Variants in C11orf42 observed in about 807,000 individuals in gnomAD.
The protein encoded by C11orf42 is uncharacterized protein C11orf42.
A neutral mutation model predicts 27.9 loss-of-function variants in C11orf42; 24 were observed. The ratio of observed to expected loss-of-function variants is 0.86; its 90% CI spans 0.62 to 1.21. The LOEUF (loss-of-function observed/expected upper bound fraction) is 1.21. C11orf42 is among the 50% of genes most tolerant of loss of function. C11orf42 has a pLI of 0.00. For synonymous variants in C11orf42, 187 were observed against 180.8 expected (o/e 1.03, Z -0.28); for missense variants, 455 against 424.1 (o/e 1.07, Z -0.64).
rs745311052 is a variant in C11orf42, at chr11:6,210,206, G to A, written c.429G>A (p.Gln143=). The change falls in exon 2 of 3, where the codon CAG becomes CAA. Residue 143 remains glutamine, a synonymous_variant. Transcript: ENST00000316375. This position sits in a 1 kb window ranked among gnomAD's most constrained non-coding sequence, Gnocchi z 4.0. ...KVAFLLLPPG[Q]VSLQQTLPWL... is the part of the protein sequence containing the mutation. ...CCTTCCTGTTGCTGCCACCAGGGCA[G>A]GTGAGCCTACAGCAGACTCTTCCCT... 3.1e-6 allele frequency: 5 copies of A among 1,614,240 alleles called. No homozygotes were observed. The South Asian group carries it at 5.5e-5, about 18-fold the overall frequency.
In C11orf42 at chr11:6,210,268, AGG is replaced by A. The variant is rs777844833; in HGVS notation, c.492_493del (p.Gln164HisfsTer17). 19 of 1,614,112 alleles carry A rather than the reference AGG, an allele frequency of 1.2e-5. No homozygotes were observed. On this transcript the variant is annotated frameshift_variant, in exon 2 of 3. Coordinates refer to ENST00000316375, the MANE Select transcript of C11orf42 (RefSeq NM_173525.3). LOFTEE classifies it high-confidence loss of function. The surrounding 1 kb of genome is among the most constrained non-coding windows in gnomAD (Gnocchi z 4.0). Reference sequence around the variant, plus strand: ...ACCCACAGCATCTATGTCATCTACCAGGTCTTCTCTTGTTCCTGGCTGCAGCT... The same window carrying A: ...ACCCACAGCATCTATGTCATCTACCATCTTCTCTTGTTCCTGGCTGCAGCT...
At position 6,209,869 on chromosome 11, in the gene C11orf42, G is replaced by A. The variant is rs769905265; in HGVS notation, c.92G>A (p.Gly31Glu). 6.3e-7 allele frequency: 1 copy of A among 1,589,690 alleles called. No homozygotes were observed. Among genetic ancestry groups the A allele is most frequent in the Non-Finnish European group, 8.6e-7 (1 of 1,160,754 alleles). Residue 31 changes from glycine (G) to glutamate (E), a missense_variant, in exon 2 of 3, where the codon GGG becomes GAG. Coordinates refer to ENST00000316375, the MANE Select transcript of C11orf42 (RefSeq NM_173525.3). The stretch of plus-strand genomic sequence containing the variant: ...CTGCAGGTCATCGAGGAGCACTTTG[G>A]GCCCAATGCAGTAGCAGTACCTTTC... Reference protein sequence around the residue: ...IKDKVIEEHFGPNAVAVPFLS... With the variant: ...IKDKVIEEHFEPNAVAVPFLS...
intron 1 of C11orf42, among the ~76,000 whole-genome samples, chr11:6,207,378 C>T (rs1846990805): frequency 6.6e-6 from 1 of 152,088 alleles, no homozygotes; most frequent in South Asian, 2.1e-4. Flanking sequence ...TTAGCAGAAA[C>T]TTGGATAATA....
intron 1 of C11orf42, among the ~76,000 whole-genome samples, chr11:6,205,908 G>A (rs1289866457): frequency 3.3e-5 from 5 of 152,124 alleles, no homozygotes; most frequent in East Asian, 1.9e-4. Context: ...GAAAAGCAAC[G>A]TATAGGGAAT....
At chr11:6,208,525 C>T (rs755627480) in intron 1 of C11orf42, among the ~76,000 whole-genome samples, 22 of 152,174 alleles carry the variant, frequency 1.4e-4, no homozygotes, top group Admixed American at 1.2e-3. Flanking sequence ...TTCCCAGGTT[C>T]AAGCAATTCT....
intron 1 of C11orf42, among the ~76,000 whole-genome samples, chr11:6,208,129 A>T (rs1183915166): frequency 5.9e-5 from 9 of 152,136 alleles, no homozygotes; most frequent in Admixed American, 3.3e-4. Flanking sequence ...AGGTTTCCCA[A>T]TTAGTCATGA....
At chr11:6,205,709 A>AATT in intron 1 of C11orf42, 22 bp downstream of exon 1, 7 of 1,603,816 alleles carry the variant, frequency 4.4e-6, no homozygotes, top group Non-Finnish European at 6.0e-6. Flanking sequence ...AAGGAGGCTA[A>AATT]AGAGGAAGCA....
chr11:6,207,579 T>G (rs1846993081), intron 1 of C11orf42, among the ~76,000 whole-genome samples: 1 of 152,148 alleles, frequency 6.6e-6, no homozygotes, highest in African/African-American at 2.4e-5. Context: ...AACCCACCAG[T>G]GTTCTGCTCT....
At position 6,210,709 on chromosome 11, in the gene C11orf42, G is replaced by T. The variant is rs937914236; in HGVS notation, c.871+61G>T. The T allele has an allele frequency of 3.0e-5, 47 of 1,551,224 alleles. No individual in the cohort carries two copies. The Admixed American group carries it at 7.8e-4, about 26-fold the overall frequency. On this transcript the variant is annotated intron_variant, in intron 2 of 2. Coordinates refer to ENST00000316375, the MANE Select transcript of C11orf42 (RefSeq NM_173525.3). The surrounding 1 kb of genome is among the most constrained non-coding windows in gnomAD (Gnocchi z 4.0). ...AGGGACAAAGTGAAGGAGGGAGAAG[G>T]CATGAGAATTAAGTATGTGAGGAAT...
At chr11:6,205,753 G>GTA (rs1590592097) in intron 1 of C11orf42, 66 bp downstream of exon 1, 1 of 1,327,420 alleles carries the variant, frequency 7.5e-7, no homozygotes, top group East Asian at 2.4e-5. Flanking sequence ...TCAGCAGCTT[G>GTA]TGAGTAGGAA....
chr11:6,206,129 T>G (rs942227334), intron 1 of C11orf42, among the ~76,000 whole-genome samples: 3 of 152,048 alleles, frequency 2.0e-5, no homozygotes, highest in Non-Finnish European at 4.4e-5. Flanking sequence ...AAATGTAGAG[T>G]ATTTGTAAAA....
intron 1 of C11orf42, 35 bp downstream of exon 1, chr11:6,205,722 G>A (rs1293583078): frequency 8.9e-6 from 14 of 1,574,242 alleles, no homozygotes; most frequent in East Asian, 4.5e-5. Context: ...AGGAAGCAAC[G>A]AAGTGTGACC....
rs1847057760 is a variant in C11orf42, at chr11:6,210,998, C to A, written c.958C>A (p.Pro320Thr). The change falls in exon 3 of 3, where the codon CCC becomes ACC. Residue 320 changes from proline to threonine, a missense_variant. Coordinates refer to ENST00000316375, the MANE Select transcript of C11orf42 (RefSeq NM_173525.3). This position sits in a 1 kb window ranked among gnomAD's most constrained non-coding sequence, Gnocchi z 4.0. ...RDPDGHSMSL[P>T]LLQGLSSEFD... ...CCCCGACGGGCACTCCATGTCCCTG[C>A]CCCTGCTGCAGGGTCTATCCTCAGA... 2 of 1,609,074 alleles carry A rather than the reference C, an allele frequency of 1.2e-6. No homozygotes were observed. The highest frequency in any genetic ancestry group is 4.5e-5 in the East Asian group (2 of 44,796).
Position 6,205,628 on chromosome 11 carries a change from A to ACCC in C11orf42, c.16_18dup (p.Pro6dup). ...CCCATACCCCACCATGTTGGTGGGT[A>ACCC]CCCCCAACCTGCTGACACTGGATGA... On this transcript the variant is annotated inframe_insertion, in exon 1 of 3. Coordinates refer to ENST00000316375, the MANE Select transcript of C11orf42 (RefSeq NM_173525.3). 6.2e-7 allele frequency: 1 copy of ACCC among 1,613,596 alleles called. No homozygotes were observed. The highest frequency in any genetic ancestry group is 8.5e-7 in the Non-Finnish European group (1 of 1,179,726).
At position 6,210,211 on chromosome 11, in the gene C11orf42, G is replaced by T. The variant is rs760302015; in HGVS notation, c.434G>T (p.Ser145Ile). ...AFLLLPPGQV[S>I]LQQTLPWLRS... is the part of the protein sequence containing the mutation. The stretch of plus-strand genomic sequence containing the variant: ...CTGTTGCTGCCACCAGGGCAGGTGA[G>T]CCTACAGCAGACTCTTCCCTGGCTC... Residue 145 changes from serine to isoleucine, a missense_variant, in exon 2 of 3, where the codon AGC becomes ATC. By Grantham distance (142) the Ser-to-Ile change is moderately radical (BLOSUM62 -2). Transcript: ENST00000316375. The surrounding 1 kb of genome is among the most constrained non-coding windows in gnomAD (Gnocchi z 4.0). The T allele has an allele frequency of 6.2e-7, 1 of 1,614,204 alleles. No individual in the cohort carries two copies. The highest frequency in any genetic ancestry group is 2.2e-5 in the East Asian group (1 of 44,878).
In C11orf42 at chr11:6,211,073, C is replaced by T. The variant is rs1397743373; in HGVS notation, c.*31C>T. The T allele has an allele frequency of 2.5e-6, 4 of 1,607,768 alleles. No homozygotes were observed. In the East Asian group the frequency reaches 6.7e-5, roughly 27 times the overall value. On this transcript the variant is annotated 3_prime_UTR_variant, in exon 3 of 3. Transcript: ENST00000316375. The stretch of plus-strand genomic sequence containing the variant: ...AAGCAAAAGATTCCGGGGGCAAAGC[C>T]CCCAAGATCTGGCATAGGGGTACTG...
chr11:6,208,346 T>G (rs1199913236), intron 1 of C11orf42, among the ~76,000 whole-genome samples: 13 of 152,140 alleles, frequency 8.5e-5, no homozygotes, highest in Non-Finnish European at 1.3e-4. Context: ...AGGTAAGAGA[T>G]ATGGTATAAG....
At chr11:6,208,481 C>G (rs1051275024) in intron 1 of C11orf42, among the ~76,000 whole-genome samples, 1 of 152,210 alleles carries the variant, frequency 6.6e-6, no homozygotes, top group African/African-American at 2.4e-5. Context: ...CTGTGGAGTG[C>G]AGTGGTGCCA....
chr11:6,208,084 C>A (rs1161255027), intron 1 of C11orf42, among the ~76,000 whole-genome samples: 1 of 152,110 alleles, frequency 6.6e-6, no homozygotes, highest in Non-Finnish European at 1.5e-5. Context: ...TGGGTTGAAA[C>A]CATACTTAAG....
Sources: allele counts gnomAD v4.1 joint callset (sites outside exome capture counted in the v4.1 genomes callset), GRCh38; gene constraint gnomAD v4.1.1; non-coding constraint Gnocchi (gnomAD v3.1); transcripts MANE v1.5; gene names NCBI Gene and HGNC (gene_info 2026-07-23, HGNC 2026-07-21).